The following ABCC4 variants were observed in gnomAD, a reference collection of about 807,000 sequenced individuals.
The protein encoded by ABCC4 is ATP binding cassette subfamily C member 4 (PEL blood group), also known as ATP-binding cassette sub-family C member 4.
In ABCC4, 102 loss-of-function variants were observed where a neutral mutation model predicts 168.5. That is an observed-to-expected ratio of 0.61 (90% CI 0.52 to 0.71). The LOEUF (loss-of-function observed/expected upper bound fraction) is 0.71. ABCC4 is among the 30% of genes least tolerant of loss of function. ABCC4 has a pLI of 0.00. For missense variants in ABCC4, 1,402 were observed against 1,605.8 expected (o/e 0.87, Z 2.17); for synonymous variants, 617 against 590.7 (o/e 1.04, Z -0.65).
intron 19 of ABCC4, among the ~76,000 whole-genome samples, chr13:95,156,615 G>C (rs1383786775): frequency 1.3e-5 from 2 of 152,138 alleles, no homozygotes; most frequent in Non-Finnish European, 2.9e-5. Flanking sequence ...AACAGTACCA[G>C]AAAATATCTG....
At chr13:95,276,724 G>A (rs1197555924) in intron 1 of ABCC4, among the ~76,000 whole-genome samples, 1 of 152,048 alleles carries the variant, frequency 6.6e-6, no homozygotes, top group South Asian at 2.1e-4. Flanking sequence ...AATAAAAAAG[G>A]ATACAACCCA....
chr13:95,160,771 A>C (rs115955731), intron 19 of ABCC4, among the ~76,000 whole-genome samples: 4,346 of 152,314 alleles, frequency 0.029, 178 homozygotes, highest in African/African-American at 0.094. Flanking sequence ...GTCTCACGTC[A>C]GAGCATTCCT....
intron 9 of ABCC4, among the ~76,000 whole-genome samples, chr13:95,194,416 A>G (rs746618051): frequency 2.0e-5 from 3 of 152,208 alleles, no homozygotes; most frequent in Non-Finnish European, 2.9e-5. Context: ...TCAATATGTA[A>G]TAAGATGACC....
intron 1 of ABCC4, among the ~76,000 whole-genome samples, chr13:95,298,461 T>A (rs939129583): frequency 2.0e-5 from 3 of 152,112 alleles, no homozygotes; most frequent in African/African-American, 7.2e-5. Flanking sequence ...ACACCCAGTG[T>A]TTCCAGTTTT....
At chr13:95,023,230 T>C (rs1027788466) in intron 30 of ABCC4, among the ~76,000 whole-genome samples, 6 of 152,214 alleles carry the variant, frequency 3.9e-5, no homozygotes, top group Admixed American at 2.6e-4. Flanking sequence ...TAAATATATA[T>C]AAAGAAAGTG....
chr13:95,190,061 G>T (rs1256427920), intron 9 of ABCC4, among the ~76,000 whole-genome samples: 1 of 151,942 alleles, frequency 6.6e-6, no homozygotes, highest in Non-Finnish European at 1.5e-5. Flanking sequence ...AGTTGTTTTA[G>T]GCAGGGTACG....
intron 8 of ABCC4, among the ~76,000 whole-genome samples, chr13:95,196,676 GGAA>G (rs2038454244): frequency 2.7e-5 from 1 of 37,194 alleles, no homozygotes; most frequent in African/African-American, 1.1e-4. Context: ...AAGGAAGGAA[GGAA>G]GGAAGGAAGG....
chr13:95,269,577 A>C (rs2040788791), intron 1 of ABCC4, among the ~76,000 whole-genome samples: 1 of 152,062 alleles, frequency 6.6e-6, no homozygotes, highest in African/African-American at 2.4e-5. Flanking sequence ...CAGAACAGGG[A>C]CCAGCAAAAT....
intron 1 of ABCC4, among the ~76,000 whole-genome samples, chr13:95,277,640 C>A (rs2041005870): frequency 6.6e-6 from 1 of 151,512 alleles, no homozygotes; most frequent in Non-Finnish European, 1.5e-5. Flanking sequence ...GGGGCGTTTA[C>A]TCTAGATGGG....
At chr13:95,188,644 A>T in intron 9 of ABCC4, 102 bp from the exon 10 acceptor site, 1 of 879,912 alleles carries the variant, frequency 1.1e-6, no homozygotes, top group Non-Finnish European at 1.8e-6. Flanking sequence ...ACATGAACAT[A>T]ACCCAAATCT....
chr13:95,192,790 G>A (rs754276404), intron 9 of ABCC4, among the ~76,000 whole-genome samples: 5 of 152,118 alleles, frequency 3.3e-5, no homozygotes, highest in African/African-American at 9.7e-5. Context: ...ATGGTGGGGC[G>A]TGCCTGTAAT....
In ABCC4 at chr13:95,021,524, C is replaced by A; in HGVS notation, c.*51G>T. On this transcript the variant is annotated 3_prime_UTR_variant, in exon 31 of 31. Transcript: ENST00000645237. Reference sequence around the variant, plus strand: ...AAAGTACAATGTGGTTTACATAGTCCAAAAACTAGTGGAAAATGCCTTCGG... The same window carrying A: ...AAAGTACAATGTGGTTTACATAGTCAAAAAACTAGTGGAAAATGCCTTCGG... 2 of 1,376,498 alleles carry A rather than the reference C, an allele frequency of 1.5e-6. No individual in the cohort carries two copies. The highest frequency in any genetic ancestry group is 1.2e-5 in the South Asian group (1 of 83,422). The allele number at this position is 1,376,498 out of a possible 1,614,324, so 85.3% of individuals were successfully genotyped here.
At chr13:95,030,315 C>T (rs1248788483) in intron 30 of ABCC4, among the ~76,000 whole-genome samples, 2 of 152,114 alleles carry the variant, frequency 1.3e-5, no homozygotes, top group Non-Finnish European at 2.9e-5. Flanking sequence ...ACCACCACAC[C>T]TGGCCAGGAT....
At position 95,040,660 on chromosome 13, in the gene ABCC4, C is replaced by T. The variant is rs974431238; in HGVS notation, c.3735+3022G>A. ...GAAATGTTCTAATTGTGGCCGTTGTCGGTTTCTTAAAGAGAAGTTCCATGA... is the reference window on the plus strand; with the variant it reads ...GAAATGTTCTAATTGTGGCCGTTGTTGGTTTCTTAAAGAGAAGTTCCATGA... On this transcript the variant is annotated intron_variant, in intron 29 of 30. Transcript: ENST00000645237. Among the ~76,000 whole-genome samples, 10 of 152,272 alleles carry T rather than the reference C, an allele frequency of 6.6e-5. No homozygotes were observed. The East Asian group carries it at 1.5e-3, about 24-fold the overall frequency.
intron 27 of ABCC4, among the ~76,000 whole-genome samples, chr13:95,048,136 G>C (rs953344885): frequency 2.0e-5 from 3 of 152,108 alleles, no homozygotes; most frequent in Admixed American, 1.3e-4. Context: ...AAAAGAAACA[G>C]TCCTTATAAA....
chr13:95,170,398 C>T (rs1040459060), intron 14 of ABCC4, 134 bp downstream of exon 14: 8 of 553,758 alleles, frequency 1.4e-5, no homozygotes, highest in African/African-American at 5.7e-5. Flanking sequence ...GACATTTCTA[C>T]AAGTCTTTTG....
At chr13:95,027,375 T>C (rs913336879) in intron 30 of ABCC4, among the ~76,000 whole-genome samples, 1 of 152,202 alleles carries the variant, frequency 6.6e-6, no homozygotes, top group Non-Finnish European at 1.5e-5. Flanking sequence ...TCAAAAAATA[T>C]TACCATTACT....
At chr13:95,242,759 A>G (rs1325108741) in intron 3 of ABCC4, among the ~76,000 whole-genome samples, 1 of 152,206 alleles carries the variant, frequency 6.6e-6, no homozygotes, top group Non-Finnish European at 1.5e-5. Context: ...CACTACCTTC[A>G]TCTTAAGAAA....
intron 5 of ABCC4, among the ~76,000 whole-genome samples, chr13:95,210,470 A>G (rs1161029109): frequency 6.6e-6 from 1 of 152,234 alleles, no homozygotes; most frequent in Non-Finnish European, 1.5e-5. Context: ...AAAAAAAGAA[A>G]TTAGCTGTTC....
Sources: gnomAD v4.1 joint callset for allele counts (sites outside exome capture counted in the v4.1 genomes callset) on GRCh38, gnomAD v4.1.1 for gene constraint, MANE v1.5 for transcripts, NCBI Gene and HGNC (gene_info 2026-07-23, HGNC 2026-07-21) for gene names.